The following RAB3GAP2 variants were observed in gnomAD, a reference collection of about 807,000 sequenced individuals.
RAB3GAP2 encodes rab3 GTPase-activating protein non-catalytic subunit.
In RAB3GAP2, 87 loss-of-function variants were observed where a neutral mutation model predicts 185.3. The ratio of observed to expected loss-of-function variants is 0.47; its 90% CI spans 0.39 to 0.56. The LOEUF (loss-of-function observed/expected upper bound fraction) is 0.56, where lower values mean the gene tolerates loss of function less well. RAB3GAP2 is among the 20% of genes least tolerant of loss of function. The pLI, the probability that RAB3GAP2 is intolerant of heterozygous loss-of-function variation, is 0.00. For missense variants in RAB3GAP2, 1,492 were observed against 1,638.2 expected, an observed-to-expected ratio of 0.91 and a Z score of 1.54; for synonymous variants, 554 against 576.1, an observed-to-expected ratio of 0.96 and a Z score of 0.55.
intron 1 of RAB3GAP2, among the ~76,000 whole-genome samples, chr1:220,242,204 A>C (rs1052500503): frequency 6.6e-6 from 1 of 152,206 alleles, no homozygotes; most frequent in African/African-American, 2.4e-5. Context: ...ATAGTAAAGA[A>C]AAAATTGTAG....
At chr1:220,172,070 A>C (rs199780536) in intron 22 of RAB3GAP2, 21 bp from the exon 23 acceptor site, 133 of 1,613,244 alleles carry the variant, frequency 8.2e-5, no homozygotes, top group Non-Finnish European at 1.1e-4. Flanking sequence ...AGGAGAAAAC[A>C]GAAAAATAAA....
At chr1:220,267,975 T>C (rs1660258424) in intron 1 of RAB3GAP2, 1 of 592,798 alleles carries the variant, frequency 1.7e-6, no homozygotes, top group African/African-American at 1.9e-5. Context: ...AAAGCACTTT[T>C]AAACCAACTG....
chr1:220,255,238 C>A (rs915766404), intron 1 of RAB3GAP2, among the ~76,000 whole-genome samples: 2 of 150,394 alleles, frequency 1.3e-5, no homozygotes, highest in African/African-American at 2.4e-5. Flanking sequence ...ACAACAACAA[C>A]AACATGAACA....
At chr1:220,210,299 T>A in intron 7 of RAB3GAP2, 89 bp downstream of exon 7, 2 of 935,140 alleles carry the variant, frequency 2.1e-6, no homozygotes, top group East Asian at 2.4e-5. Context: ...AAGACAAAGA[T>A]CTCTTTTAAG....
intron 17 of RAB3GAP2, among the ~76,000 whole-genome samples, chr1:220,187,001 G>A (rs1263244285): frequency 6.6e-6 from 1 of 152,146 alleles, no homozygotes; most frequent in Non-Finnish European, 1.5e-5. Context: ...AGCATTGTCA[G>A]TAGAATGGAA....
At chr1:220,195,563 A>G (rs1338604126) in intron 10 of RAB3GAP2, among the ~76,000 whole-genome samples, 186 bp from the exon 11 acceptor site, 1 of 152,228 alleles carries the variant, frequency 6.6e-6, no homozygotes, top group Non-Finnish European at 1.5e-5. Flanking sequence ...TTAACTCTAT[A>G]GTTTAAAAAT....
chr1:220,191,662 C>T (rs1320588433), intron 13 of RAB3GAP2, among the ~76,000 whole-genome samples: 1 of 151,802 alleles, frequency 6.6e-6, no homozygotes, highest in Non-Finnish European at 1.5e-5. Flanking sequence ...CTACTAAATA[C>T]AAAAAATTAG....
chr1:220,252,867 T>C (rs1156973443), intron 1 of RAB3GAP2, among the ~76,000 whole-genome samples: 1 of 152,124 alleles, frequency 6.6e-6, no homozygotes, highest in Non-Finnish European at 1.5e-5. Flanking sequence ...TGTCTGTATA[T>C]ATCCCTAAGA....
intron 2 of RAB3GAP2, among the ~76,000 whole-genome samples, chr1:220,217,282 T>A (rs758486818): frequency 2.2e-4 from 33 of 152,344 alleles, no homozygotes; most frequent in Admixed American, 1.2e-3. Flanking sequence ...AAAGAACTAC[T>A]GTATTGTCAC....
At chr1:220,250,160 A>G (rs1361418538) in intron 1 of RAB3GAP2, among the ~76,000 whole-genome samples, 1 of 152,164 alleles carries the variant, frequency 6.6e-6, no homozygotes, top group East Asian at 1.9e-4. Context: ...GCCATGAAGG[A>G]GGCCTGGAGG....
intron 4 of RAB3GAP2, 46 bp from the exon 5 acceptor site, chr1:220,211,048 ATTAC>A: frequency 6.5e-7 from 1 of 1,544,900 alleles, no homozygotes; most frequent in African/African-American, 1.4e-5. Flanking sequence ...GAACTTACCA[ATTAC>A]TTTTATTTCT....
Position 220,182,448 on chromosome 1 carries a change from A to G in RAB3GAP2, c.2213-94T>C, listed in dbSNP as rs1658428118. On this transcript the variant is annotated intron_variant, in intron 20 of 34. Transcript: ENST00000358951. ...TCACAATCTGGAATTCCAGAGAAAC[A>G]AAACATTATGAAGGAAGAGAAATTA... The G allele has an allele frequency of 1.9e-6, 3 of 1,565,054 alleles. No individual in the cohort carries two copies. The African/African-American group carries it at 4.1e-5, about 21-fold the overall frequency.
rs528100310 is a variant in RAB3GAP2, at chr1:220,148,733, T to C, written c.*2518A>G. The C allele has an allele frequency of 2.3e-4, 34 of 151,096 alleles. No homozygotes were observed. The highest frequency in any genetic ancestry group is 4.0e-4 in the Non-Finnish European group (27 of 67,988). 9.4% of individuals were successfully genotyped at this position (151,096 alleles called of 1,614,324 possible). ...CATAGATGAAGTTTTATAATAAAAG[T>C]AAAACTTTTTTTTTCTGTTTGCAAA... On this transcript the variant is annotated 3_prime_UTR_variant, in exon 35 of 35. Transcript: ENST00000358951.
chr1:220,154,004 C>T lies in RAB3GAP2; in HGVS notation c.3609G>A (p.Gly1203=). The T allele has an allele frequency of 6.2e-7, 1 of 1,613,484 alleles. No homozygotes were observed. Among genetic ancestry groups the T allele is most frequent in the Non-Finnish European group, 8.5e-7 (1 of 1,179,804 alleles). Residue 1203 remains glycine, a synonymous_variant, in exon 32 of 35, where the codon GGG becomes GGA. Transcript: ENST00000358951. ...DLTSIQLLPS[G]EMDPNFISVR... is the part of the protein sequence containing the mutation. ...CAGAAATAAAATTTGGATCCATTTC[C>T]CCACTAGGTAATAACTGAATTGAAG... is the stretch of plus-strand genomic sequence containing the variant.
chr1:220,190,007 T>C (rs1037206521), intron 16 of RAB3GAP2, 57 bp downstream of exon 16: 8 of 1,381,158 alleles, frequency 5.8e-6, no homozygotes, highest in Non-Finnish European at 8.3e-6. Context: ...GAATATTTTA[T>C]TGATTTAAAA....
At chr1:220,232,083 T>C (rs1325778641) in intron 2 of RAB3GAP2, among the ~76,000 whole-genome samples, 2 of 152,216 alleles carry the variant, frequency 1.3e-5, no homozygotes, top group Non-Finnish European at 2.9e-5. Flanking sequence ...TTCCTTGCTA[T>C]ACTCCCAGCA....
At chr1:220,254,291 A>T in intron 1 of RAB3GAP2, 1 of 1,613,562 alleles carries the variant, frequency 6.2e-7, no homozygotes, top group Non-Finnish European at 8.5e-7. Context: ...GAGAGACCAC[A>T]GTATGCCGAA....
At chr1:220,190,637 G>A in intron 14 of RAB3GAP2, 117 bp from the exon 15 acceptor site, 2 of 1,045,286 alleles carry the variant, frequency 1.9e-6, no homozygotes, top group Non-Finnish European at 2.9e-6. Flanking sequence ...CATTAATAAG[G>A]CAACTAAATA....
At chr1:220,268,419 C>T (rs1660269765) in intron 1 of RAB3GAP2, among the ~76,000 whole-genome samples, 1 of 152,182 alleles carries the variant, frequency 6.6e-6, no homozygotes, top group South Asian at 2.1e-4. Flanking sequence ...TTCTTGAATA[C>T]CGTAGAGTAC....
Sources: gnomAD v4.1 joint callset for allele counts (sites outside exome capture counted in the v4.1 genomes callset) on GRCh38, gnomAD v4.1.1 for gene constraint, MANE v1.5 for transcripts, NCBI Gene and HGNC (gene_info 2026-07-23, HGNC 2026-07-21) for gene names.